Variants in PTPRD observed in about 807,000 individuals in gnomAD.
PTPRD encodes the protein receptor-type tyrosine-protein phosphatase delta.
Under a neutral mutation model 214.5 loss-of-function variants are expected in PTPRD, and 34 were observed. That is an observed-to-expected ratio of 0.16 (90% CI 0.12 to 0.21). The LOEUF is 0.21. Ranked by LOEUF, PTPRD falls within the 10% of genes least tolerant of loss-of-function variation. The pLI is 1.00. For missense variants in PTPRD, 2,545 were observed against 2,398.7 expected (o/e 1.06, Z -1.27); for synonymous variants, 1,128 against 845.7 (o/e 1.33, Z -5.79).
chr9:9,323,187 A>T (rs545190666), intron 9 of PTPRD, among the ~76,000 whole-genome samples: 38 of 152,300 alleles, frequency 2.5e-4, no homozygotes, highest in African/African-American at 8.9e-4. Context: ...TAATTATACC[A>T]TCCAAATCAT....
At chr9:8,752,003 A>G (rs1395093334) in intron 11 of PTPRD, among the ~76,000 whole-genome samples, 1 of 152,190 alleles carries the variant, frequency 6.6e-6, no homozygotes, top group African/African-American at 2.4e-5. Context: ...CTGAGCCTCA[A>G]GAAACCCAAG....
rs1023528385 is a variant in PTPRD at position 10,448,367 on chromosome 9, C to G, written c.-599-107350G>C. Among the ~76,000 whole-genome samples the G allele has an allele frequency of 2.6e-5, 4 of 151,930 alleles. 1 individual carries two copies. Among genetic ancestry groups the G allele is most frequent in the African/African-American group, 9.7e-5 (4 of 41,222 alleles). On this transcript the variant is annotated intron_variant, in intron 2 of 45. Transcript: ENST00000381196. Reference sequence around the variant, plus strand: ...GCTGCTGCTTTTGAGTGTTTCTGAACAGACTAAAGTAAAAGGAAAGTAGCC... The same window carrying G: ...GCTGCTGCTTTTGAGTGTTTCTGAAGAGACTAAAGTAAAAGGAAAGTAGCC...
intron 4 of PTPRD, among the ~76,000 whole-genome samples, chr9:9,971,109 T>C (rs2095073054): frequency 6.6e-6 from 1 of 152,170 alleles, no homozygotes; most frequent in African/African-American, 2.4e-5. Flanking sequence ...AAAGAACTTT[T>C]ATAAATTCAG....
At chr9:10,101,810 A>G (rs7856338) in intron 3 of PTPRD, among the ~76,000 whole-genome samples, 5,724 of 151,802 alleles carry the variant, frequency 0.038, 359 homozygotes, top group African/African-American at 0.13. Context: ...GCTGCGGTAT[A>G]TTAGAGGCCA....
chr9:8,526,538 G>T lies in PTPRD; in HGVS notation c.568+89C>A. The T allele has an allele frequency of 4.3e-6, 5 of 1,167,964 alleles. No homozygotes were observed. The South Asian group carries it at 1.0e-4, about 24-fold the overall frequency. 72.4% of individuals were successfully genotyped at this position (1,167,964 alleles called of 1,614,324 possible). A position where few individuals can be genotyped will look rare whatever the true frequency, so the allele number is the denominator to read the frequency against. On this transcript the variant is annotated intron_variant, in intron 17 of 45. Transcript: ENST00000381196. ...AAAAGTTGATGGACATTATTGGAAT[G>T]ACGCTGAAAACAGGACAAAGATGAG...
chr9:9,035,617 C>G (rs943023373), intron 10 of PTPRD, among the ~76,000 whole-genome samples: 1 of 151,912 alleles, frequency 6.6e-6, no homozygotes, highest in African/African-American at 2.4e-5. Context: ...AGATGGTCAC[C>G]TCAATTACCA....
chr9:9,565,678 AT>A (rs1208017414), intron 8 of PTPRD, among the ~76,000 whole-genome samples: 3 of 151,890 alleles, frequency 2.0e-5, no homozygotes, highest in Non-Finnish European at 2.9e-5. Flanking sequence ...TCATTTTTAC[AT>A]TTTTTTGTAC....
At chr9:8,874,227 G>T (rs144011375) in intron 11 of PTPRD, among the ~76,000 whole-genome samples, 123 of 152,268 alleles carry the variant, frequency 8.1e-4, no homozygotes, top group African/African-American at 2.8e-3. Context: ...CCCATAACTT[G>T]CATGGTGACT....
intron 3 of PTPRD, among the ~76,000 whole-genome samples, chr9:10,113,993 G>C (rs1430009278): frequency 6.6e-6 from 1 of 152,134 alleles, no homozygotes; most frequent in Non-Finnish European, 1.5e-5. Flanking sequence ...TATAGATTCT[G>C]ATTTGAAAGG....
chr9:9,780,658 T>G (rs925000918), intron 5 of PTPRD, among the ~76,000 whole-genome samples: 2 of 152,210 alleles, frequency 1.3e-5, no homozygotes, highest in African/African-American at 4.8e-5. Context: ...CTAAATGATA[T>G]GATTTAACCA....
At chr9:8,788,277 T>TTGTGTG in intron 11 of PTPRD, among the ~76,000 whole-genome samples, 2 of 58,490 alleles carry the variant, frequency 3.4e-5, no homozygotes, top group East Asian at 1.2e-3. Context: ...TTTTTTTTTT[T>TTGTGTG]TGTGTGTGTG....
intron 11 of PTPRD, among the ~76,000 whole-genome samples, chr9:8,977,466 T>C (rs181289148): frequency 6.6e-6 from 1 of 152,234 alleles, no homozygotes; most frequent in East Asian, 1.9e-4. Context: ...AACTAAATTA[T>C]TGGCTGTTTC....
chr9:10,472,484 T>A (rs186330652), intron 2 of PTPRD, among the ~76,000 whole-genome samples: 1 of 152,082 alleles, frequency 6.6e-6, no homozygotes, highest in Non-Finnish European at 1.5e-5. Flanking sequence ...TTGAGGCAGG[T>A]TGGAGTAGTT....
intron 3 of PTPRD, among the ~76,000 whole-genome samples, chr9:10,294,440 C>A (rs2095617197): frequency 6.6e-6 from 1 of 151,882 alleles, no homozygotes; most frequent in Admixed American, 6.6e-5. Context: ...TGGTGCTTTC[C>A]ACAATTTGGA....
intron 3 of PTPRD, among the ~76,000 whole-genome samples, chr9:10,250,063 T>A (rs1018179320): frequency 1.3e-5 from 2 of 152,192 alleles, no homozygotes; most frequent in South Asian, 4.1e-4. Flanking sequence ...TCAGCTTTCA[T>A]TCTAGTTACT....
intron 2 of PTPRD, among the ~76,000 whole-genome samples, chr9:10,373,846 T>G (rs1404365888): frequency 6.6e-6 from 1 of 152,088 alleles, no homozygotes; most frequent in Non-Finnish European, 1.5e-5. Flanking sequence ...TGCTGACTCC[T>G]GAAGCCAAAA....
chr9:9,899,743 T>C (rs1477926569), intron 5 of PTPRD, among the ~76,000 whole-genome samples: 2 of 152,046 alleles, frequency 1.3e-5, no homozygotes, highest in African/African-American at 2.4e-5. Flanking sequence ...AAGAGATATC[T>C]GCACTTCCAT....
At chr9:8,571,469 T>C (rs1160355828) in intron 14 of PTPRD, among the ~76,000 whole-genome samples, 2 of 152,204 alleles carry the variant, frequency 1.3e-5, no homozygotes, top group Non-Finnish European at 2.9e-5. Flanking sequence ...ATCAAAATCA[T>C]CCATGACAAT....
chr9:8,317,595 TC>T lies in PTPRD; in HGVS notation c.*278del, dbSNP rs995441161. 5.8e-5 allele frequency: 19 copies of T among 325,424 alleles called. No individual in the cohort carries two copies. Among genetic ancestry groups the T allele is most frequent in the Admixed American group, 1.2e-4 (3 of 24,066 alleles). The allele number at this position is 325,424 out of a possible 1,614,324, so 20.2% of individuals were successfully genotyped here. On this transcript the variant is annotated 3_prime_UTR_variant, in exon 46 of 46. Coordinates refer to ENST00000381196, the MANE Select transcript of PTPRD (RefSeq NM_002839.4). ...GTGGTTCTTTGCTGTGATTTCTTCTTCCCTTGATTTTGAATCCTTGAGGTAT... is the reference window on the plus strand; with the variant it reads ...GTGGTTCTTTGCTGTGATTTCTTCTTCCTTGATTTTGAATCCTTGAGGTAT...
Sources: gnomAD v4.1 joint callset for allele counts (sites outside exome capture counted in the v4.1 genomes callset) on GRCh38, gnomAD v4.1.1 for gene constraint, MANE v1.5 for transcripts, NCBI Gene and HGNC (gene_info 2026-07-23, HGNC 2026-07-21) for gene names.